Variants in SLIT3 observed in about 807,000 individuals in gnomAD.
The protein encoded by SLIT3 is slit guidance ligand 3, also known as slit homolog 3 protein.
SLIT3 carries 68 observed loss-of-function variants against 184.0 expected under a neutral mutation model. The ratio of observed to expected loss-of-function variants is 0.37; its 90% CI spans 0.30 to 0.45. The LOEUF (loss-of-function observed/expected upper bound fraction) is 0.45. SLIT3 is among the 20% of genes least tolerant of loss of function. The probability of loss-of-function intolerance (pLI) is 1.00; values close to 1 mark genes in which losing one functional copy is unlikely to be tolerated. For missense variants in SLIT3, 1,707 were observed against 2,026.0 expected (o/e 0.84, Z 3.02); for synonymous variants, 831 against 828.6 (o/e 1.00, Z -0.05).
intron 4 of SLIT3, among the ~76,000 whole-genome samples, chr5:169,095,303 C>A (rs921056530): frequency 6.6e-6 from 1 of 152,168 alleles, no homozygotes; most frequent in East Asian, 1.9e-4. Flanking sequence ...AGTCATCTTG[C>A]ACCGAAAACC....
intron 4 of SLIT3, among the ~76,000 whole-genome samples, chr5:168,972,913 A>G (rs1298686188): frequency 6.6e-6 from 1 of 152,166 alleles, no homozygotes; most frequent in Non-Finnish European, 1.5e-5. Flanking sequence ...CGTGCCACAG[A>G]TATCCCCCAC....
intron 5 of SLIT3, among the ~76,000 whole-genome samples, chr5:168,880,466 G>A (rs1043933016): frequency 5.3e-5 from 8 of 152,128 alleles, no homozygotes; most frequent in Admixed American, 6.5e-5. Context: ...CACTTTGCAC[G>A]TACTATCTTT....
In SLIT3 at chr5:168,696,407, C is replaced by G. The variant is rs774296394; in HGVS notation, c.2967G>C (p.Glu989Asp). 6.2e-7 allele frequency: 1 copy of G among 1,614,108 alleles called. No homozygotes were observed. The highest frequency in any genetic ancestry group is 2.2e-5 in the East Asian group (1 of 44,868). ...GFSCSCPLGF[E>D]GQRCEINPDD... ...CTGGGTTGATCTCACACCGCTGCCC[C>G]TCAAAGCCCAGAGGGCAGGAGCAGC... Residue 989 changes from glutamate (E) to aspartate (D), a missense_variant, in exon 28 of 36, where the codon GAG (glutamate) becomes GAC (aspartate). By Grantham distance (45) the Glu-to-Asp change is conservative (BLOSUM62 2). Around this residue, in one of 3 missense-constraint regions of SLIT3, gnomAD observed 1,307 missense variants for 1,511.6 expected, o/e 0.86. Coordinates refer to ENST00000519560, the MANE Select transcript of SLIT3 (RefSeq NM_003062.4).
chr5:169,141,271 A>T (rs1470815412), intron 4 of SLIT3, among the ~76,000 whole-genome samples: 1 of 152,164 alleles, frequency 6.6e-6, no homozygotes, highest in Non-Finnish European at 1.5e-5. Context: ...AAATAAACAA[A>T]AACAAAAGGA....
At chr5:169,290,169 G>C (rs1767297861) in intron 1 of SLIT3, among the ~76,000 whole-genome samples, 1 of 151,060 alleles carries the variant, frequency 6.6e-6, no homozygotes, top group African/African-American at 2.4e-5. Flanking sequence ...TAGGGCACAT[G>C]CTAGGGCATA....
intron 12 of SLIT3, among the ~76,000 whole-genome samples, chr5:168,776,546 T>C (rs997933375): frequency 2.0e-5 from 3 of 152,154 alleles, no homozygotes. Flanking sequence ...CACACATGTT[T>C]CTAGGGAGCA....
At position 169,242,810 on chromosome 5, in the gene SLIT3, C is replaced by T. The variant is rs557524505; in HGVS notation, c.341+1895G>A. On this transcript the variant is annotated intron_variant, in intron 3 of 35. Transcript: ENST00000519560. ...CTCTGCAACTGTAATCCATTCACTTCCCCAGACATGCATGGGTATTTCAGC... is the reference window on the plus strand; with the variant it reads ...CTCTGCAACTGTAATCCATTCACTTTCCCAGACATGCATGGGTATTTCAGC... Among the ~76,000 whole-genome samples, 74 of 152,302 alleles carry T rather than the reference C, an allele frequency of 4.9e-4. 1 individual carries two copies. The South Asian group carries it at 0.014, about 29-fold the overall frequency.
At chr5:168,976,421 C>T (rs1274521848) in intron 4 of SLIT3, among the ~76,000 whole-genome samples, 1 of 152,138 alleles carries the variant, frequency 6.6e-6, no homozygotes, top group Non-Finnish European at 1.5e-5. Flanking sequence ...CTAGTTGTTG[C>T]TAGAGAGCCT....
intron 5 of SLIT3, among the ~76,000 whole-genome samples, chr5:168,872,344 C>A (rs1406781350): frequency 1.3e-5 from 2 of 152,142 alleles, no homozygotes; most frequent in South Asian, 4.1e-4. Flanking sequence ...ACACACTTGT[C>A]AAAACCCATC....
chr5:168,848,772 GAC>G (rs1003431151), intron 5 of SLIT3, among the ~76,000 whole-genome samples: 2 of 152,086 alleles, frequency 1.3e-5, no homozygotes, highest in Non-Finnish European at 2.9e-5. Context: ...CGTGAGTGAG[GAC>G]TTAAAATAAT....
At chr5:168,679,922 G>C (rs1761529805) in intron 32 of SLIT3, among the ~76,000 whole-genome samples, 1 of 152,186 alleles carries the variant, frequency 6.6e-6, no homozygotes, top group African/African-American at 2.4e-5. Flanking sequence ...CCTTGGCAGT[G>C]GACAGGATTG....
intron 32 of SLIT3, among the ~76,000 whole-genome samples, chr5:168,678,693 A>C (rs1199285374): frequency 6.6e-6 from 1 of 152,116 alleles, no homozygotes; most frequent in Non-Finnish European, 1.5e-5. Context: ...AAAAAAACAA[A>C]CAAACAAACA....
chr5:168,744,704 G>T (rs1763747865), intron 20 of SLIT3, among the ~76,000 whole-genome samples: 2 of 152,146 alleles, frequency 1.3e-5, no homozygotes, highest in Non-Finnish European at 2.9e-5. Context: ...TCTGTTTATG[G>T]CATATTTTGC....
chr5:168,772,983 C>T (rs377720566), intron 13 of SLIT3, 39 bp from the exon 14 acceptor site: 29 of 1,546,616 alleles, frequency 1.9e-5, no homozygotes, highest in South Asian at 1.0e-4. Flanking sequence ...GAGTGACCCA[C>T]GGCGTCTTGC....
intron 23 of SLIT3, among the ~76,000 whole-genome samples, chr5:168,715,381 T>G (rs1271220044): frequency 6.6e-6 from 1 of 152,234 alleles, no homozygotes; most frequent in Non-Finnish European, 1.5e-5. Flanking sequence ...CCCCACCTCT[T>G]GGTCCCAGTG....
rs116182795 is a variant in SLIT3 at position 168,748,307 on chromosome 5, G to A, written c.2265C>T (p.Thr755=). The A allele has an allele frequency of 1.0e-4, 153 of 1,470,460 alleles. No individual in the cohort carries two copies. The African/African-American group carries it at 2.0e-3, about 19-fold the overall frequency. The allele number at this position is 1,470,460 out of a possible 1,614,324, so 91.1% of individuals were successfully genotyped here. ...ALPRGMPKDV[T]ELYLEGNHLT... ...AGGCAGCTGGGGGTACTTACAGCTCGGTCACATCCTTGGGCATGCCTCTGG... is the reference window on the plus strand; with the variant it reads ...AGGCAGCTGGGGGTACTTACAGCTCAGTCACATCCTTGGGCATGCCTCTGG... The change falls in exon 20 of 36, where the codon ACC becomes ACT. Residue 755 remains threonine, a synonymous_variant. Coordinates refer to ENST00000519560, the MANE Select transcript of SLIT3 (RefSeq NM_003062.4).
intron 4 of SLIT3, among the ~76,000 whole-genome samples, chr5:168,931,989 T>C (rs184593440): frequency 1.3e-5 from 2 of 152,324 alleles, no homozygotes; most frequent in East Asian, 3.9e-4. Context: ...GCTCCCTCTG[T>C]AGTGAACCCT....
intron 32 of SLIT3, among the ~76,000 whole-genome samples, chr5:168,680,588 C>T (rs1761556261): frequency 6.6e-6 from 1 of 152,218 alleles, no homozygotes; most frequent in Non-Finnish European, 1.5e-5. Context: ...CCAAGGTGGC[C>T]TTCCTGGGTG....
At chr5:169,143,291 G>A (rs955190143) in intron 4 of SLIT3, among the ~76,000 whole-genome samples, 1 of 152,182 alleles carries the variant, frequency 6.6e-6, no homozygotes, top group Non-Finnish European at 1.5e-5. Context: ...TCCATGGAAT[G>A]TCATTTAATC....
Sources: allele counts gnomAD v4.1 joint callset (sites outside exome capture counted in the v4.1 genomes callset), GRCh38; gene constraint gnomAD v4.1.1; regional missense constraint gnomAD v4.1.1; transcripts MANE v1.5; gene names NCBI Gene and HGNC (gene_info 2026-07-23, HGNC 2026-07-21).